Variants in ZNF518A observed in about 807,000 individuals in gnomAD.
ZNF518A encodes the protein zinc finger protein 518A.
Under a neutral mutation model 102.7 loss-of-function variants are expected in ZNF518A, and 47 were observed. That is an observed-to-expected ratio of 0.46 (90% CI 0.36 to 0.58). The LOEUF (loss-of-function observed/expected upper bound fraction) is 0.58, where lower values mean the gene tolerates loss of function less well. Among genes scored for constraint, ZNF518A ranks in the 20% least tolerant of loss-of-function variants. The pLI is 0.00. For synonymous variants in ZNF518A, 652 were observed against 594.6 expected (o/e 1.10, Z -1.40); for missense variants, 1,793 against 1,699.8 (o/e 1.05, Z -0.96).
chr10:96,200,813 AAAC>A lies in ZNF518A; in HGVS notation n.36-2754_36-2752del, dbSNP rs1452769754. Among the ~76,000 whole-genome samples the A allele has an allele frequency of 9.2e-5, 14 of 152,360 alleles. No homozygotes were observed. The South Asian group carries it at 1.0e-3, about 11-fold the overall frequency. On this transcript the variant is annotated intron_variant and non_coding_transcript_variant, in intron 1 of 2. Transcript: ENST00000442635. The surrounding 1 kb of genome is among the most constrained non-coding windows in gnomAD (Gnocchi z 4.3). ...GAGCAATGTCTTAGTCATTGAAAAA[AAAC>A]AACAACTGGGTATTCTGTCCCTATT...
At chr10:96,140,299 C>T (rs1554876024) in intron 3 of ZNF518A, among the ~76,000 whole-genome samples, 1 of 152,136 alleles carries the variant, frequency 6.6e-6, no homozygotes, top group African/African-American at 2.4e-5. Context: ...AAGATGGGGA[C>T]ATCCAGGGAG....
At position 96,158,543 on chromosome 10, in the gene ZNF518A, T is replaced by A; in HGVS notation, c.2221T>A (p.Leu741Ile). ...CCTGTACAGTAATGAAAATCAAAAT[T>A]TAGAGTGTGCGACTGAAAAATCTAA... is the stretch of plus-strand genomic sequence containing the variant. Reference protein sequence around the residue: ...QNLYSNENQNLECATEKSKWE... With the variant: ...QNLYSNENQNIECATEKSKWE... Residue 741 changes from leucine to isoleucine, a missense_variant, in exon 6 of 6, where the codon TTA becomes ATA. Around this residue, in one of 3 missense-constraint regions of ZNF518A, gnomAD observed 1,741 missense variants for 1,622.6 expected, o/e 1.07. Coordinates refer to ENST00000316045, the MANE Select transcript of ZNF518A (RefSeq NM_001330736.2). 6.2e-7 allele frequency: 1 copy of A among 1,612,900 alleles called. No homozygotes were observed. The highest frequency in any genetic ancestry group is 8.5e-7 in the Non-Finnish European group (1 of 1,179,550).
chr10:96,160,247 C>G lies in ZNF518A; in HGVS notation c.3925C>G (p.Arg1309Gly), dbSNP rs374466074. 6.2e-7 allele frequency: 1 copy of G among 1,613,094 alleles called. No individual in the cohort carries two copies. The highest frequency in any genetic ancestry group is 1.7e-5 in the Admixed American group (1 of 59,838). Residue 1309 changes from arginine (R) to glycine (G), a missense_variant, in exon 6 of 6, where the codon CGT (arginine) becomes GGT (glycine). Arg to Gly is a moderately radical substitution (Grantham distance 125). Around this residue, in one of 3 missense-constraint regions of ZNF518A, gnomAD observed 1,741 missense variants for 1,622.6 expected, o/e 1.07. Coordinates refer to ENST00000316045, the MANE Select transcript of ZNF518A (RefSeq NM_001330736.2). ...AGAAAAGGCAAAACCTGAAGATGTCCGTGAAACATTTGGATTTAGCAGACC... is the reference window on the plus strand; with the variant it reads ...AGAAAAGGCAAAACCTGAAGATGTCGGTGAAACATTTGGATTTAGCAGACC... Reference protein sequence around the residue: ...CKEKAKPEDVRETFGFSRPRL... With the variant: ...CKEKAKPEDVGETFGFSRPRL...
chr10:96,200,966 A>G lies in ZNF518A; in HGVS notation n.36-2608A>G, dbSNP rs1366808850. On this transcript the variant is annotated intron_variant and non_coding_transcript_variant, in intron 1 of 2. Coordinates refer to the ZNF518A transcript ENST00000442635. The surrounding 1 kb of genome is among the most constrained non-coding windows in gnomAD (Gnocchi z 4.3). ...TCCTGGTAACAATTTAGTGACATCA[A>G]GAGTTCATTTCATACCTGTTCTGAA... 1 of 1,610,222 alleles carries G rather than the reference A, an allele frequency of 6.2e-7. No individual in the cohort carries two copies. The highest frequency in any genetic ancestry group is 8.5e-7 in the Non-Finnish European group (1 of 1,176,574).
At chr10:96,181,542 C>A (rs2083240245) in intron 1 of ZNF518A, among the ~76,000 whole-genome samples, 1 of 152,130 alleles carries the variant, frequency 6.6e-6, no homozygotes, top group Non-Finnish European at 1.5e-5. Flanking sequence ...AGGAAGGGAT[C>A]CAGTTTCAGC....
At chr10:96,142,826 G>A (rs112689760) in intron 3 of ZNF518A, among the ~76,000 whole-genome samples, 7,470 of 143,670 alleles carry the variant, frequency 0.052, 238 homozygotes, top group Non-Finnish European at 0.075. Flanking sequence ...TTTTTATTGC[G>A]ACAGAGTCTC....
chr10:96,173,478 C>G (rs2083184942), intron 1 of ZNF518A, among the ~76,000 whole-genome samples: 1 of 152,026 alleles, frequency 6.6e-6, no homozygotes, highest in Admixed American at 6.6e-5. Context: ...ATACCATAGA[C>G]TGAGGGGATG....
At position 96,160,870 on chromosome 10, in the gene ZNF518A, A is replaced by G; in HGVS notation, c.*96A>G. 2.4e-6 allele frequency: 3 copies of G among 1,251,708 alleles called. No individual in the cohort carries two copies. Among genetic ancestry groups the G allele is most frequent in the African/African-American group, 1.5e-5 (1 of 64,892 alleles). 77.5% of individuals were successfully genotyped at this position (1,251,708 alleles called of 1,614,324 possible). On this transcript the variant is annotated 3_prime_UTR_variant, in exon 6 of 6. Transcript: ENST00000316045. ...ATGCAGACATTTTCTACTTCAGTAT[A>G]GTACCTGAAATCGAACATTTTAAAA... is the stretch of plus-strand genomic sequence containing the variant.
intron 3 of ZNF518A, among the ~76,000 whole-genome samples, chr10:96,141,300 G>C (rs1337682382): frequency 4.0e-5 from 6 of 151,456 alleles, no homozygotes; most frequent in African/African-American, 1.5e-4. Context: ...TCTTTAAGTG[G>C]ATACTCAGAG....
At chr10:96,138,794 G>A (rs1172938) in intron 3 of ZNF518A, among the ~76,000 whole-genome samples, 144,535 of 152,222 alleles carry the variant, frequency 0.95, 69,037 homozygotes, top group East Asian at 1. Context: ...TGTAGTAAAG[G>A]ACATTACAGA....
Position 96,200,986 on chromosome 10 carries a change from T to C in ZNF518A, n.36-2588T>C, listed in dbSNP as rs782317167. On this transcript the variant is annotated intron_variant and non_coding_transcript_variant, in intron 1 of 2. Transcript: ENST00000442635. This position sits in a 1 kb window ranked among gnomAD's most constrained non-coding sequence, Gnocchi z 4.3. The stretch of plus-strand genomic sequence containing the variant: ...CATCAAGAGTTCATTTCATACCTGT[T>C]CTGAAATAGTGGAATTAGATGAAAA... 1.2e-6 allele frequency: 2 copies of C among 1,613,904 alleles called. No individual in the cohort carries two copies. Among genetic ancestry groups the C allele is most frequent in the South Asian group, 2.2e-5 (2 of 91,078 alleles).
intron 1 of ZNF518A, among the ~76,000 whole-genome samples, chr10:96,196,325 G>T (rs1564810492): frequency 6.6e-6 from 1 of 152,184 alleles, no homozygotes; most frequent in African/African-American, 2.4e-5. Context: ...TATAGGAGCA[G>T]GCTGGCTAAA....
rs150783854 is a variant in ZNF518A, at chr10:96,169,186, G to T, written n.35+13139G>T. On this transcript the variant is annotated intron_variant and non_coding_transcript_variant, in intron 1 of 2. Transcript: ENST00000442635. The stretch of plus-strand genomic sequence containing the variant: ...CCAGCTAACTTTTAAAAAAATTTTT[G>T]TAGAGTTAGAATCTTACTGTGTTGC... Among the ~76,000 whole-genome samples the T allele has an allele frequency of 2.3e-3, 356 of 151,886 alleles. 2 individuals carry two copies. Among genetic ancestry groups the T allele is most frequent in the Non-Finnish European group, 3.8e-3 (260 of 67,976 alleles).
At chr10:96,139,697 G>A (rs1041032570) in intron 3 of ZNF518A, among the ~76,000 whole-genome samples, 1 of 152,180 alleles carries the variant, frequency 6.6e-6, no homozygotes, top group Non-Finnish European at 1.5e-5. Context: ...ATTTGCTCCT[G>A]TGTGGAGGAT....
chr10:96,134,517 AGCCACTGC>A (rs2081502910), intron 3 of ZNF518A, among the ~76,000 whole-genome samples: 1 of 152,210 alleles, frequency 6.6e-6, no homozygotes, highest in Non-Finnish European at 1.5e-5. Flanking sequence ...TACAGGGGTG[AGCCACTGC>A]TCCCGGCCTA....
rs2082796477 is a variant in ZNF518A at position 96,158,152 on chromosome 10, C to T, written c.1830C>T (p.Tyr610=). Reference sequence around the variant, plus strand: ...ACTGTGTTGCCAAACCAAATGCATACAACAGTGGAGATATGCATAATTATT... The same window carrying T: ...ACTGTGTTGCCAAACCAAATGCATATAACAGTGGAGATATGCATAATTATT... The part of the protein sequence containing the change: ...KVNCVAKPNA[Y]NSGDMHNYCI... The change falls in exon 6 of 6, where the codon TAC becomes TAT. Residue 610 remains tyrosine, a synonymous_variant. Coordinates refer to ENST00000316045, the MANE Select transcript of ZNF518A (RefSeq NM_001330736.2). 6.2e-7 allele frequency: 1 copy of T among 1,613,344 alleles called. No individual in the cohort carries two copies. The highest frequency in any genetic ancestry group is 1.3e-5 in the African/African-American group (1 of 74,892).
At chr10:96,185,001 C>A (rs1210379653) in intron 1 of ZNF518A, among the ~76,000 whole-genome samples, 4 of 152,132 alleles carry the variant, frequency 2.6e-5, no homozygotes, top group Non-Finnish European at 4.4e-5. Context: ...TTGTTCATTT[C>A]TTTTTACTCT....
At chr10:96,186,898 A>G (rs1458274241) in intron 1 of ZNF518A, among the ~76,000 whole-genome samples, 1 of 152,204 alleles carries the variant, frequency 6.6e-6, no homozygotes, top group Non-Finnish European at 1.5e-5. Context: ...GTAGAATAAT[A>G]TGTCCATCTT....
intron 1 of ZNF518A, among the ~76,000 whole-genome samples, chr10:96,172,658 C>T (rs1554891000): frequency 6.6e-6 from 1 of 151,718 alleles, no homozygotes; most frequent in Non-Finnish European, 1.5e-5. Context: ...ATTGTAAGCC[C>T]TAGAGCAACC....
Sources: allele counts gnomAD v4.1 joint callset (sites outside exome capture counted in the v4.1 genomes callset), GRCh38; gene constraint gnomAD v4.1.1; regional missense constraint gnomAD v4.1.1; non-coding constraint Gnocchi (gnomAD v3.1); transcripts MANE v1.5; gene names NCBI Gene and HGNC (gene_info 2026-07-23, HGNC 2026-07-21).